The following RBMS3 variants were observed in gnomAD, a reference collection of about 807,000 sequenced individuals.
RBMS3 encodes RNA binding motif single stranded interacting protein 3, also known as RNA-binding motif, single-stranded-interacting protein 3.
In RBMS3, 27 loss-of-function variants were observed where a neutral mutation model predicts 66.8. That is an observed-to-expected ratio of 0.40 (90% CI 0.30 to 0.56). The LOEUF is 0.56. Among genes scored for constraint, RBMS3 ranks in the 20% least tolerant of loss-of-function variants. The pLI is 0.40. For synonymous variants in RBMS3, 188 were observed against 183.0 expected (o/e 1.03, Z -0.22); for missense variants, 513 against 549.5 (o/e 0.93, Z 0.66).
At chr3:29,979,246 G>A (rs542177181) in intron 12 of RBMS3, among the ~76,000 whole-genome samples, 2 of 152,242 alleles carry the variant, frequency 1.3e-5, no homozygotes, top group East Asian at 3.9e-4. Flanking sequence ...TGTAAAATAG[G>A]TAAAGCATTT....
chr3:29,700,521 A>T (rs188565469), intron 4 of RBMS3, among the ~76,000 whole-genome samples: 1 of 152,198 alleles, frequency 6.6e-6, no homozygotes, highest in Admixed American at 6.5e-5. Context: ...GAATCCAAGT[A>T]TAAATAGCAA....
At chr3:29,468,601 C>G (rs1256317765) in intron 2 of RBMS3, among the ~76,000 whole-genome samples, 3 of 152,014 alleles carry the variant, frequency 2.0e-5, no homozygotes, top group South Asian at 2.1e-4. Flanking sequence ...CTAATTTTGT[C>G]TCTGTATTAA....
chr3:29,743,116 T>C (rs2054715222), intron 5 of RBMS3, among the ~76,000 whole-genome samples: 1 of 152,212 alleles, frequency 6.6e-6, no homozygotes. Context: ...GGTGAGAATA[T>C]ATTTTTAGCT....
chr3:29,447,352 G>A (rs985737602), intron 2 of RBMS3, among the ~76,000 whole-genome samples: 10 of 152,162 alleles, frequency 6.6e-5, no homozygotes, highest in Non-Finnish European at 1.3e-4. Context: ...TCAGATGCAT[G>A]TTAAACTTAG....
intron 4 of RBMS3, among the ~76,000 whole-genome samples, chr3:29,683,370 TA>T (rs1489480138): frequency 6.6e-6 from 1 of 152,188 alleles, no homozygotes; most frequent in Non-Finnish European, 1.5e-5. Flanking sequence ...AGTGTGAGTT[TA>T]TTTCACATAG....
chr3:29,458,759 A>G (rs1284748108), intron 2 of RBMS3, among the ~76,000 whole-genome samples: 20 of 152,204 alleles, frequency 1.3e-4, no homozygotes, highest in Admixed American at 2.0e-4. Flanking sequence ...AAGAGCATTT[A>G]AATTGTTTTT....
At chr3:29,823,116 A>C (rs1294847750) in intron 6 of RBMS3, among the ~76,000 whole-genome samples, 2 of 152,120 alleles carry the variant, frequency 1.3e-5, no homozygotes, top group Non-Finnish European at 2.9e-5. Context: ...AAAGTTTAAC[A>C]TTGTGTATAG....
At chr3:29,340,021 G>A (rs1182947215) in intron 1 of RBMS3, among the ~76,000 whole-genome samples, 1 of 152,074 alleles carries the variant, frequency 6.6e-6, no homozygotes, top group Non-Finnish European at 1.5e-5. Flanking sequence ...CACAAACATT[G>A]CCTTGCATTT....
intron 10 of RBMS3, among the ~76,000 whole-genome samples, chr3:29,931,789 T>A (rs1018649357): frequency 2.6e-5 from 4 of 152,192 alleles, no homozygotes; most frequent in African/African-American, 9.6e-5. Context: ...CCATTTATAT[T>A]ATGAGATCTC....
intron 12 of RBMS3, among the ~76,000 whole-genome samples, chr3:29,975,136 ATATATTTTATATATGCTT>A (rs1697497764): frequency 6.8e-6 from 1 of 146,232 alleles, no homozygotes; most frequent in Non-Finnish European, 1.5e-5. Context: ...TTATATATTT[ATATATTTTATATATGCTT>A]TATATTTTAT....
chr3:29,387,665 G>A (rs2039068823), intron 1 of RBMS3, among the ~76,000 whole-genome samples: 1 of 152,102 alleles, frequency 6.6e-6, no homozygotes, highest in South Asian at 2.1e-4. Context: ...CACTTTGGGA[G>A]GCCAAGGTGG....
rs191186239 is a variant in RBMS3 at position 29,661,653 on chromosome 3, G to A, written c.399+74448G>A. On this transcript the variant is annotated intron_variant, in intron 4 of 14. Transcript: ENST00000383767. ...CTAATATTCAGATTTTGAATCCACT[G>A]GTCATTTCTCTTTTGAATATTCATT... Among the ~76,000 whole-genome samples, 3 of 151,776 alleles carry A rather than the reference G, an allele frequency of 2.0e-5. No homozygotes were observed. In the East Asian group the frequency reaches 5.8e-4, roughly 29 times the overall value.
intron 4 of RBMS3, among the ~76,000 whole-genome samples, chr3:29,615,628 C>T (rs905529926): frequency 5.9e-5 from 9 of 151,924 alleles, no homozygotes; most frequent in South Asian, 2.1e-4. Context: ...TTAATTACAG[C>T]GCTTTGGGGT....
chr3:29,958,647 C>T (rs533214770), intron 12 of RBMS3, among the ~76,000 whole-genome samples: 73 of 152,138 alleles, frequency 4.8e-4, no homozygotes, highest in Non-Finnish European at 6.3e-4. Context: ...CTCACACTAC[C>T]GGCATTTGTG....
chr3:29,524,066 C>A (rs2044977087), intron 3 of RBMS3, among the ~76,000 whole-genome samples: 1 of 152,004 alleles, frequency 6.6e-6, no homozygotes, highest in African/African-American at 2.4e-5. Flanking sequence ...CCCAGTACAA[C>A]CCTATGAGCT....
chr3:29,890,953 G>A (rs1247580771), intron 8 of RBMS3, among the ~76,000 whole-genome samples: 1 of 151,430 alleles, frequency 6.6e-6, no homozygotes, highest in Non-Finnish European at 1.5e-5. Context: ...ATGAGGAATT[G>A]GGAAGGCTTC....
chr3:29,673,454 C>A (rs1364973054), intron 4 of RBMS3, among the ~76,000 whole-genome samples: 1 of 148,834 alleles, frequency 6.7e-6, no homozygotes, highest in Non-Finnish European at 1.5e-5. Context: ...TCAGTGAATC[C>A]AGGAGCTGGT....
intron 1 of RBMS3, among the ~76,000 whole-genome samples, chr3:29,337,484 A>T (rs112327730): frequency 0.017 from 2,560 of 152,076 alleles, 72 homozygotes; most frequent in African/African-American, 0.059. Context: ...ACAAAAAATT[A>T]AAAAATTAGC....
At chr3:29,286,136 A>G (rs1467657419) in intron 1 of RBMS3, among the ~76,000 whole-genome samples, 2 of 152,132 alleles carry the variant, frequency 1.3e-5, no homozygotes, top group African/African-American at 2.4e-5. Context: ...ACAACTCCAA[A>G]TATTTTCTTT....
Sources: gnomAD v4.1 joint callset for allele counts (sites outside exome capture counted in the v4.1 genomes callset) on GRCh38, gnomAD v4.1.1 for gene constraint, MANE v1.5 for transcripts, NCBI Gene and HGNC (gene_info 2026-07-23, HGNC 2026-07-21) for gene names.